Variants in SCAF4 observed in about 807,000 individuals in gnomAD.
SCAF4 encodes the protein SR-related CTD associated factor 4.
A neutral mutation model predicts 129.8 loss-of-function variants in SCAF4; 25 were observed. The ratio of observed to expected loss-of-function variants is 0.19; its 90% confidence interval spans 0.14 to 0.27. The LOEUF is 0.27. Ranked by LOEUF, SCAF4 falls within the 10% of genes least tolerant of loss-of-function variation. The probability of loss-of-function intolerance (pLI) is 1.00; values close to 1 mark genes in which losing one functional copy is unlikely to be tolerated. For missense variants in SCAF4, 1,246 were observed against 1,457.1 expected, an observed-to-expected ratio of 0.86 and a Z score of 2.36; for synonymous variants, 551 against 497.7, an observed-to-expected ratio of 1.11 and a Z score of -1.43.
chr21:31,694,857 A>T lies in SCAF4; in HGVS notation c.1192T>A (p.Phe398Ile), dbSNP rs1219028749. ...GTAAGTGGTTCATTTTGTGCCTGAA[A>T]AGAAGCTTGGAAAGGCTGCTGCACT... is the stretch of plus-strand genomic sequence containing the variant. The part of the protein sequence containing the change: ...PPVQQPFQAS[F>I]QAQNEPLTQK... Residue 398 changes from phenylalanine (F) to isoleucine (I), a missense_variant, in exon 10 of 20, where the codon TTT (phenylalanine) becomes ATT (isoleucine). By Grantham distance (21) the Phe-to-Ile change is conservative. Around this residue, in one of 6 missense-constraint regions of SCAF4, gnomAD observed 236 missense variants for 210.0 expected, o/e 1.12. Transcript: ENST00000286835. The T allele has an allele frequency of 6.2e-7, 1 of 1,614,058 alleles. No homozygotes were observed. The highest frequency in any genetic ancestry group is 8.5e-7 in the Non-Finnish European group (1 of 1,180,018).
chr21:31,675,986 A>G (rs2049844686), intron 19 of SCAF4, among the ~76,000 whole-genome samples: 1 of 152,196 alleles, frequency 6.6e-6, no homozygotes. Flanking sequence ...GCATATAATG[A>G]ATAGGGTGGC....
chr21:31,672,396 T>C (rs759000823), intron 19 of SCAF4, 42 bp from the exon 20 acceptor site: 54 of 1,426,646 alleles, frequency 3.8e-5, no homozygotes, highest in Non-Finnish European at 4.1e-5. Flanking sequence ...CCACCGAAGA[T>C]GGCACTCCAG....
intron 16 of SCAF4, among the ~76,000 whole-genome samples, 178 bp downstream of exon 16, chr21:31,688,129 A>AAAAAAAAAAAAAAAAAAAAAAAAAG (rs2050171687): frequency 6.7e-6 from 1 of 148,358 alleles, no homozygotes; most frequent in African/African-American, 2.5e-5. Flanking sequence ...AAAAAAAAAA[A>AAAAAAAAAAAAAAAAAAAAAAAAAG]AAAAAAAAAA....
chr21:31,730,082 ATTG>A (rs1404843738), intron 1 of SCAF4, among the ~76,000 whole-genome samples: 1 of 152,238 alleles, frequency 6.6e-6, no homozygotes, highest in Non-Finnish European at 1.5e-5. Flanking sequence ...TATTTTAACT[ATTG>A]TTGTGCCATT....
In SCAF4 at chr21:31,693,377, C is replaced by A. The variant is rs753270057; in HGVS notation, c.1430G>T (p.Arg477Leu). ...RDRRRHSPRS[R>L]SQERRDREKE... The stretch of plus-strand genomic sequence containing the variant: ...TTCTCGATCCCGTCTTTCTTGAGAT[C>A]GAGATCGGGGAGAATGTCGGCGTCT... Residue 477 changes from arginine to leucine, a missense_variant, in exon 12 of 20, where the codon CGA becomes CTA. Physicochemically the swap from Arg to Leu is moderately radical, Grantham distance 102 (BLOSUM62 -2). Around this residue, in one of 6 missense-constraint regions of SCAF4, gnomAD observed 468 missense variants for 605.5 expected, o/e 0.77. Transcript: ENST00000286835. The A allele has an allele frequency of 1.9e-6, 3 of 1,577,744 alleles. No individual in the cohort carries two copies. Among genetic ancestry groups the A allele is most frequent in the East Asian group, 4.6e-5 (2 of 43,938 alleles).
chr21:31,729,472 T>C (rs1056245194), intron 1 of SCAF4, among the ~76,000 whole-genome samples: 1 of 152,236 alleles, frequency 6.6e-6, no homozygotes, highest in African/African-American at 2.4e-5. Flanking sequence ...ACTGAAATCC[T>C]TGGTAGCTCT....
intron 12 of SCAF4, 111 bp from the exon 13 acceptor site, chr21:31,692,560 A>G (rs573902656): frequency 1.5e-6 from 1 of 648,228 alleles, no homozygotes; most frequent in Non-Finnish European, 2.6e-6. Context: ...TTACAACACC[A>G]CAAGTTTAAA....
At chr21:31,709,198 G>T (rs2050739667) in intron 1 of SCAF4, among the ~76,000 whole-genome samples, 2 of 152,088 alleles carry the variant, frequency 1.3e-5, no homozygotes, top group Admixed American at 1.3e-4. Context: ...GGGTGGGGGG[G>T]AGCGTCTATT....
intron 4 of SCAF4, among the ~76,000 whole-genome samples, chr21:31,703,359 C>T (rs146723762): frequency 3.3e-5 from 5 of 152,212 alleles, no homozygotes; most frequent in African/African-American, 9.6e-5. Flanking sequence ...GATCTACTCA[C>T]TTAGCCAATT....
intron 7 of SCAF4, among the ~76,000 whole-genome samples, chr21:31,698,121 T>A (rs2050432570): frequency 6.6e-6 from 1 of 152,180 alleles, no homozygotes. Flanking sequence ...TATTAATATG[T>A]TCTTTAAAGT....
At chr21:31,711,069 C>T (rs1601249871) in intron 1 of SCAF4, among the ~76,000 whole-genome samples, 2 of 152,098 alleles carry the variant, frequency 1.3e-5, no homozygotes, top group Non-Finnish European at 2.9e-5. Flanking sequence ...CTCAGCTTCC[C>T]CAGCAGCTGG....
At chr21:31,694,728 T>C in intron 10 of SCAF4, 85 bp downstream of exon 10, 1 of 1,344,512 alleles carries the variant, frequency 7.4e-7, no homozygotes. Context: ...TATTCAAAAA[T>C]GAAGACAGCA....
chr21:31,700,160 T>G (rs2050488082), intron 7 of SCAF4, among the ~76,000 whole-genome samples: 1 of 148,920 alleles, frequency 6.7e-6, no homozygotes, highest in African/African-American at 2.5e-5. Flanking sequence ...ATATGGTAAC[T>G]AAGGTTAAAA....
chr21:31,694,096 A>G, intron 11 of SCAF4, 108 bp downstream of exon 11: 1 of 622,300 alleles, frequency 1.6e-6, no homozygotes. Flanking sequence ...AAACATACCA[A>G]CTGTTATTTT....
At chr21:31,697,104 G>T (rs1323345800) in intron 7 of SCAF4, among the ~76,000 whole-genome samples, 5 of 151,904 alleles carry the variant, frequency 3.3e-5, no homozygotes, top group Admixed American at 2.0e-4. Flanking sequence ...CATGAAAATG[G>T]GTATACATTT....
Position 31,693,419 on chromosome 21 carries a change from C to A in SCAF4, c.1388G>T (p.Arg463Leu). ...TCGGCGTCTATCCCTGGACCGAGAT[C>A]GAGAACGTCGATGCCGAGACCTTCG... ...RSRRSRHRRS[R>L]SRSRDRRRHS... The change falls in exon 12 of 20, where the codon CGA becomes CTA. Residue 463 changes from arginine to leucine, a missense_variant. Around this residue, in one of 6 missense-constraint regions of SCAF4, gnomAD observed 468 missense variants for 605.5 expected, o/e 0.77. Coordinates refer to ENST00000286835, the MANE Select transcript of SCAF4 (RefSeq NM_020706.2). 1 of 1,566,194 alleles carries A rather than the reference C, an allele frequency of 6.4e-7. No individual in the cohort carries two copies.
Position 31,693,490 on chromosome 21 carries a change from G to A in SCAF4, c.1323-6C>T. ...ATCGCCTCCTTTTTGGTGACCTAAT[G>A]TTTTCAAGAGAAGGGAGAATGCATA... is the stretch of plus-strand genomic sequence containing the variant. On this transcript the variant is annotated splice_region_variant and splice_polypyrimidine_tract_variant and intron_variant, in intron 11 of 19. Coordinates refer to ENST00000286835, the MANE Select transcript of SCAF4 (RefSeq NM_020706.2). 2.0e-6 allele frequency: 3 copies of A among 1,468,204 alleles called. No individual in the cohort carries two copies. The highest frequency in any genetic ancestry group is 1.4e-5 in the South Asian group (1 of 71,352). The allele number at this position is 1,468,204 out of a possible 1,614,324, so 90.9% of individuals were successfully genotyped here.
intron 9 of SCAF4, 146 bp downstream of exon 9, chr21:31,695,965 ACT>A (rs2050374792): frequency 2.0e-6 from 1 of 499,548 alleles, no homozygotes; most frequent in African/African-American, 2.0e-5. Context: ...GAAAAAAGCA[ACT>A]CAAAATAGTT....
chr21:31,674,062 C>G (rs767429189), intron 19 of SCAF4, among the ~76,000 whole-genome samples: 6 of 152,110 alleles, frequency 3.9e-5, no homozygotes, highest in Non-Finnish European at 7.4e-5. Flanking sequence ...GAAAGTGATT[C>G]CTGAAGGGCA....
Sources: allele counts gnomAD v4.1 joint callset (sites outside exome capture counted in the v4.1 genomes callset), GRCh38; gene constraint gnomAD v4.1.1; regional missense constraint gnomAD v4.1.1; transcripts MANE v1.5; gene names NCBI Gene and HGNC (gene_info 2026-07-23, HGNC 2026-07-21).